The following AFF1 variants were observed in gnomAD, a reference collection of about 807,000 sequenced individuals.
The protein encoded by AFF1 is ALF transcription elongation factor 1.
AFF1 carries 48 observed loss-of-function variants against 121.7 expected under a neutral mutation model. The observed-to-expected ratio is 0.39, with a 90% CI of 0.31 to 0.50. The LOEUF is 0.50. AFF1 is among the 20% of genes least tolerant of loss of function. The pLI, the probability that AFF1 is intolerant of heterozygous loss-of-function variation, is 0.76. For synonymous variants in AFF1, 613 were observed against 563.0 expected, an observed-to-expected ratio of 1.09 and a Z score of -1.26; for missense variants, 1,523 against 1,511.7, an observed-to-expected ratio of 1.01 and a Z score of -0.12.
At chr4:87,025,931 C>T (rs1728488011) in intron 2 of AFF1, among the ~76,000 whole-genome samples, 1 of 152,134 alleles carries the variant, frequency 6.6e-6, no homozygotes, top group Non-Finnish European at 1.5e-5. Flanking sequence ...CTCCTGGGTG[C>T]TCTGTGGGTT....
intron 11 of AFF1, among the ~76,000 whole-genome samples, chr4:87,109,100 G>A (rs1386550678): frequency 1.3e-5 from 2 of 152,142 alleles, no homozygotes; most frequent in African/African-American, 4.8e-5. Context: ...TAATGAAAAG[G>A]GAAGGCATGC....
Position 87,131,882 on chromosome 4 carries a change from T to C in AFF1, c.3173+18T>C. The C allele has an allele frequency of 6.5e-7, 1 of 1,548,466 alleles. No individual in the cohort carries two copies. The highest frequency in any genetic ancestry group is 1.4e-5 in the African/African-American group (1 of 71,326). ...GTTTTATGGTGCGTATTTTCCTTTG[T>C]CTAAATAGTACTAAATTTGTTTTTG... On this transcript the variant is annotated intron_variant, in intron 18 of 20. Transcript: ENST00000395146.
chr4:86,942,455 G>GA (rs1255187541), intron 1 of AFF1, among the ~76,000 whole-genome samples: 1 of 152,164 alleles, frequency 6.6e-6, no homozygotes. Context: ...TAAGTACTAT[G>GA]AAAAAATAGA....
intron 2 of AFF1, among the ~76,000 whole-genome samples, chr4:86,973,118 T>G (rs974823251): frequency 6.6e-6 from 1 of 152,168 alleles, no homozygotes; most frequent in Admixed American, 6.6e-5. Context: ...ACCTTGGTGT[T>G]GCAATCAACT....
intron 8 of AFF1, among the ~76,000 whole-genome samples, chr4:87,095,635 T>A (rs1724755267): frequency 6.6e-6 from 1 of 152,126 alleles, no homozygotes; most frequent in Non-Finnish European, 1.5e-5. Flanking sequence ...TCCGCCCTTT[T>A]TTGGCCTAAT....
chr4:87,131,286 C>T (rs1728804360), intron 17 of AFF1, 67 bp downstream of exon 17: 10 of 1,575,860 alleles, frequency 6.3e-6, no homozygotes, highest in Non-Finnish European at 8.6e-6. Context: ...TGTTTTAATC[C>T]ATTTGAACCT....
At chr4:86,980,947 A>ACC (rs57473395) in intron 2 of AFF1, among the ~76,000 whole-genome samples, 6,776 of 101,240 alleles carry the variant, frequency 0.067, 550 homozygotes, top group Non-Finnish European at 0.081. Flanking sequence ...GGCTTGAGGC[A>ACC]CCCCCCCCCT....
intron 4 of AFF1, among the ~76,000 whole-genome samples, chr4:87,077,640 A>T (rs1471591241): frequency 6.6e-6 from 1 of 152,008 alleles, no homozygotes; most frequent in African/African-American, 2.4e-5. Flanking sequence ...CTTGTGTATC[A>T]TTCCCAGTGG....
At chr4:86,974,146 A>G (rs535765197) in intron 2 of AFF1, 1 of 152,016 alleles carries the variant, frequency 6.6e-6, no homozygotes, top group Non-Finnish European at 1.5e-5. Context: ...AATTCAACTT[A>G]TTTATTTATT....
chr4:87,025,822 C>T (rs919133530), intron 2 of AFF1, among the ~76,000 whole-genome samples: 3 of 152,180 alleles, frequency 2.0e-5, no homozygotes, highest in African/African-American at 4.8e-5. Context: ...TTTGTGTTTC[C>T]GAGAGCGTCT....
At chr4:87,033,199 T>A (rs1729235996) in intron 2 of AFF1, among the ~76,000 whole-genome samples, 1 of 152,218 alleles carries the variant, frequency 6.6e-6, no homozygotes, top group Non-Finnish European at 1.5e-5. Flanking sequence ...ATCTTGCCAG[T>A]TTCCTTAATA....
In AFF1 at chr4:87,021,847, T is replaced by G. The variant is rs116102296; in HGVS notation, c.39-24319T>G. ...GGGTTGGGATTACTTTAGACTGTTA[T>G]GATTTTTGAGATTGTCATTTTGAAG... On this transcript the variant is annotated intron_variant, in intron 2 of 20. Coordinates refer to ENST00000395146, the MANE Select transcript of AFF1 (RefSeq NM_001166693.3). 6.6e-5 allele frequency among the ~76,000 whole-genome samples: 10 copies of G among 152,380 alleles called. No individual in the cohort carries two copies. The East Asian group carries it at 1.9e-3, about 29-fold the overall frequency.
chr4:87,073,059 T>A (rs1266845755), intron 4 of AFF1, among the ~76,000 whole-genome samples: 2 of 150,018 alleles, frequency 1.3e-5, no homozygotes, highest in Admixed American at 6.6e-5. Flanking sequence ...GTGGGATTAG[T>A]AAGCCTTAAA....
chr4:87,066,813 G>A (rs1446863605), intron 4 of AFF1, among the ~76,000 whole-genome samples: 1 of 152,194 alleles, frequency 6.6e-6, no homozygotes, highest in Non-Finnish European at 1.5e-5. Flanking sequence ...CAGCACCTCA[G>A]CCTCTGCCCT....
chr4:86,959,255 C>T (rs1471337404), intron 2 of AFF1, among the ~76,000 whole-genome samples: 5 of 151,724 alleles, frequency 3.3e-5, no homozygotes, highest in Admixed American at 6.6e-5. Context: ...CCAGGAGTGC[C>T]GGTATTCTGT....
intron 8 of AFF1, among the ~76,000 whole-genome samples, chr4:87,102,208 G>A (rs1037981433): frequency 1.5e-4 from 23 of 152,340 alleles, no homozygotes; most frequent in African/African-American, 5.1e-4. Flanking sequence ...CTTTTGAACA[G>A]TGTCAAAGTA....
chr4:86,974,743 A>G (rs1179461187), intron 2 of AFF1, among the ~76,000 whole-genome samples: 1 of 152,244 alleles, frequency 6.6e-6, no homozygotes, highest in African/African-American at 2.4e-5. Flanking sequence ...TTCATACATA[A>G]AGAGCTGTAC....
At chr4:87,019,884 C>CAG (rs1553918041) in intron 2 of AFF1, among the ~76,000 whole-genome samples, 11 of 82,560 alleles carry the variant, frequency 1.3e-4, no homozygotes. Context: ...CTGAAGGGGT[C>CAG]GGGGGGGGGC....
chr4:86,954,632 G>A (rs925177895), intron 2 of AFF1, among the ~76,000 whole-genome samples: 2 of 152,280 alleles, frequency 1.3e-5, no homozygotes, highest in Middle Eastern at 3.4e-3. Flanking sequence ...AAAGGCCTGA[G>A]GTGGGAGGAT....
Sources: gnomAD v4.1 joint callset for allele counts (sites outside exome capture counted in the v4.1 genomes callset) on GRCh38, gnomAD v4.1.1 for gene constraint, MANE v1.5 for transcripts, NCBI Gene and HGNC (gene_info 2026-07-23, HGNC 2026-07-21) for gene names.